The following TIPARP variants were observed in gnomAD, a reference collection of about 807,000 sequenced individuals.
The protein encoded by TIPARP is TCDD inducible poly(ADP-ribose) polymerase.
In TIPARP, 12 loss-of-function variants were observed where a neutral mutation model predicts 56.5. That is an observed-to-expected ratio of 0.21 (90% CI 0.14 to 0.34). The LOEUF (loss-of-function observed/expected upper bound fraction) is 0.34. Ranked by LOEUF, TIPARP falls within the 10% of genes least tolerant of loss-of-function variation. The pLI, the probability that TIPARP is intolerant of heterozygous loss-of-function variation, is 1.00. For missense variants in TIPARP, 604 were observed against 781.6 expected (o/e 0.77, Z 2.71); for synonymous variants, 296 against 265.7 (o/e 1.11, Z -1.11).
At chr3:156,679,966 C>T (rs1453035285) in intron 2 of TIPARP, among the ~76,000 whole-genome samples, 1 of 152,002 alleles carries the variant, frequency 6.6e-6, no homozygotes, top group East Asian at 1.9e-4. Context: ...ATCTCGTTCC[C>T]ATTCAGTAAT....
chr3:156,702,089 G>T (rs990401714), intron 4 of TIPARP, among the ~76,000 whole-genome samples: 140 of 151,220 alleles, frequency 9.3e-4, no homozygotes, highest in Admixed American at 1.8e-3. Context: ...TGGTGGTGGT[G>T]GTGGTGATGG....
chr3:156,680,749 A>T (rs533569511), intron 2 of TIPARP, among the ~76,000 whole-genome samples: 1 of 152,328 alleles, frequency 6.6e-6, no homozygotes, highest in South Asian at 2.1e-4. Flanking sequence ...AAGAATAGAC[A>T]TAGATATAGG....
chr3:156,702,049 TGGTG>T (rs1384709201), intron 4 of TIPARP, among the ~76,000 whole-genome samples: 4 of 98,854 alleles, frequency 4.0e-5, no homozygotes, highest in Admixed American at 2.5e-4. Context: ...GTGGTGGTGG[TGGTG>T]GTGGTGGTGG....
intron 2 of TIPARP, among the ~76,000 whole-genome samples, chr3:156,684,867 C>T (rs543199755): frequency 6.6e-6 from 1 of 152,318 alleles, no homozygotes; most frequent in East Asian, 1.9e-4. Context: ...TTCCTTCAAA[C>T]GTTAAACCTA....
At position 156,705,892 on chromosome 3, in the gene TIPARP, C is replaced by A. The variant is rs1039747045; in HGVS notation, c.*761C>A. On this transcript the variant is annotated 3_prime_UTR_variant, in exon 6 of 6. Transcript: ENST00000295924. ...TCAGTCTCTTTCATTATCATCCATT[C>A]CAATTTGAAGGAGTTGGGCAGCTAA... The A allele has an allele frequency of 1.3e-5, 2 of 152,602 alleles. No individual in the cohort carries two copies. Among genetic ancestry groups the A allele is most frequent in the African/African-American group, 2.4e-5 (1 of 41,430 alleles). 9.5% of individuals were successfully genotyped at this position (152,602 alleles called of 1,614,324 possible).
chr3:156,695,927 G>A lies in TIPARP; in HGVS notation c.1149G>A (p.Met383Ile). The A allele has an allele frequency of 1.3e-6, 2 of 1,583,094 alleles. No individual in the cohort carries two copies. The highest frequency in any genetic ancestry group is 1.7e-5 in the Admixed American group (1 of 57,298). ...GTCTGAAAGAGGTTCGATTTATGAT[G>A]TGGAATAACCACTACATCCTCCACA... ...SRGLKEVRFM[M>I]WNNHYILHNS... Residue 383 changes from methionine (M) to isoleucine (I), a missense_variant, in exon 4 of 6, where the codon ATG (methionine) becomes ATA (isoleucine). By Grantham distance (10) the Met-to-Ile change is conservative (BLOSUM62 1). Coordinates refer to ENST00000295924, the MANE Select transcript of TIPARP (RefSeq NM_015508.5).
At chr3:156,686,550 A>G (rs1289431877) in intron 2 of TIPARP, among the ~76,000 whole-genome samples, 3 of 152,190 alleles carry the variant, frequency 2.0e-5, no homozygotes, top group Non-Finnish European at 2.9e-5. Flanking sequence ...CTTAGCATCA[A>G]ATACGTAATA....
At chr3:156,679,165 ATAT>A (rs2108486262) in intron 2 of TIPARP, among the ~76,000 whole-genome samples, 1 of 152,206 alleles carries the variant, frequency 6.6e-6, no homozygotes, top group South Asian at 2.1e-4. Context: ...CATTAAGTTT[ATAT>A]TATAGATAAA....
At chr3:156,677,512 T>A (rs1722163864) in intron 1 of TIPARP, 145 bp from the exon 2 acceptor site, 2 of 561,428 alleles carry the variant, frequency 3.6e-6, no homozygotes. Flanking sequence ...CGATAAAATT[T>A]AAAATTGACT....
chr3:156,696,869 G>A (rs962693485), intron 4 of TIPARP, among the ~76,000 whole-genome samples: 1 of 152,102 alleles, frequency 6.6e-6, no homozygotes, highest in African/African-American at 2.4e-5. Flanking sequence ...TGGTTTTTTT[G>A]TGCTGATCTT....
chr3:156,695,836 T>TTC, intron 3 of TIPARP, 29 bp from the exon 4 acceptor site: 1 of 1,305,074 alleles, frequency 7.7e-7, no homozygotes, highest in Non-Finnish European at 9.7e-7. Context: ...CTTTTTTTTT[T>TTC]TTTTTTTGTT....
chr3:156,701,728 G>C (rs987160375), intron 4 of TIPARP, among the ~76,000 whole-genome samples: 3 of 152,176 alleles, frequency 2.0e-5, no homozygotes, highest in African/African-American at 7.2e-5. Context: ...AATCTGTGTG[G>C]GCTCTGAGAA....
At chr3:156,694,313 A>G (rs184272386) in intron 3 of TIPARP, 125 bp downstream of exon 3, 4 of 790,240 alleles carry the variant, frequency 5.1e-6, no homozygotes, top group East Asian at 6.3e-5. Context: ...CAGCTTATGA[A>G]TATAAAATTG....
intron 2 of TIPARP, among the ~76,000 whole-genome samples, chr3:156,685,331 T>C (rs1004398795): frequency 1.4e-4 from 21 of 152,340 alleles, no homozygotes; most frequent in East Asian, 1.3e-3. Context: ...ACTTGACAAG[T>C]AAAGAACCTT....
intron 4 of TIPARP, 135 bp downstream of exon 4, chr3:156,696,160 G>A: frequency 4.5e-6 from 4 of 881,782 alleles, no homozygotes; most frequent in Non-Finnish European, 6.6e-6. Flanking sequence ...ATTAGTCTTT[G>A]GATTTTAATT....
rs1449091969 is a variant in TIPARP, at chr3:156,695,906, G to A, written c.1128G>A (p.Leu376=). 1 of 1,594,094 alleles carries A rather than the reference G, an allele frequency of 6.3e-7. No individual in the cohort carries two copies. The highest frequency in any genetic ancestry group is 8.5e-7 in the Non-Finnish European group (1 of 1,173,414). ...TTGAAGAAGCCAACTCTCGGGGTCTGAAAGAGGTTCGATTTATGATGTGGA... is the reference window on the plus strand; with the variant it reads ...TTGAAGAAGCCAACTCTCGGGGTCTAAAAGAGGTTCGATTTATGATGTGGA... ...RLIEEANSRG[L]KEVRFMMWNN... Residue 376 remains leucine, a synonymous_variant, in exon 4 of 6, where the codon CTG becomes CTA. Coordinates refer to ENST00000295924, the MANE Select transcript of TIPARP (RefSeq NM_015508.5).
chr3:156,684,411 A>C (rs1400465339), intron 2 of TIPARP, among the ~76,000 whole-genome samples: 1 of 152,156 alleles, frequency 6.6e-6, no homozygotes, highest in African/African-American at 2.4e-5. Flanking sequence ...GAAGTTCACC[A>C]TTTCTAGGAG....
rs561979809 is a variant in TIPARP, at chr3:156,702,066, G to C, written c.1248-1358G>C. Among the ~76,000 whole-genome samples, 726 of 129,714 alleles carry C rather than the reference G, an allele frequency of 5.6e-3. 9 individuals are homozygous for C. Among genetic ancestry groups the C allele is most frequent in the Non-Finnish European group, 9.6e-3 (556 of 58,072 alleles). 85.1% of individuals were successfully genotyped at this position (129,714 alleles called of 152,430 possible). ...GGTGGTGGTGGTGGTGGTGGTGGTGGTGGTGGTTGTGGTGGTGGTGGTGGT... is the reference window on the plus strand; with the variant it reads ...GGTGGTGGTGGTGGTGGTGGTGGTGCTGGTGGTTGTGGTGGTGGTGGTGGT... On this transcript the variant is annotated intron_variant, in intron 4 of 5. Transcript: ENST00000295924.
At position 156,677,854 on chromosome 3, in the gene TIPARP, C is replaced by G. The variant is rs1281827005; in HGVS notation, c.157C>G (p.Leu53Val). The G allele has an allele frequency of 6.2e-7, 1 of 1,614,010 alleles. No homozygotes were observed. The highest frequency in any genetic ancestry group is 1.3e-5 in the African/African-American group (1 of 74,898). The change falls in exon 2 of 6, where the codon CTG becomes GTG. Residue 53 changes from leucine to valine, a missense_variant. Leu to Val is a conservative substitution (Grantham distance 32). Transcript: ENST00000295924. The part of the protein sequence containing the change: ...KDQKRLGTGT[L>V]RSLRPILNTL... ...TCAGAAAAGATTGGGAACTGGAACC[C>G]TGAGGTCTTTGAGGCCAATATTAAA...
Sources: allele counts gnomAD v4.1 joint callset (sites outside exome capture counted in the v4.1 genomes callset), GRCh38; gene constraint gnomAD v4.1.1; transcripts MANE v1.5; gene names NCBI Gene and HGNC (gene_info 2026-07-23, HGNC 2026-07-21).